JAKMIP3: variants seen among roughly 807,000 people sequenced by gnomAD.
JAKMIP3 encodes the protein janus kinase and microtubule-interacting protein 3.
A neutral mutation model predicts 118.5 loss-of-function variants in JAKMIP3; 58 were observed. That is an observed-to-expected ratio of 0.49 (90% CI 0.40 to 0.61). The LOEUF (loss-of-function observed/expected upper bound fraction) is 0.61. JAKMIP3 is among the 20% of genes least tolerant of loss of function. The pLI, the probability that JAKMIP3 is intolerant of heterozygous loss-of-function variation, is 0.00. For synonymous variants in JAKMIP3, 486 were observed against 451.2 expected (o/e 1.08, Z -0.98); for missense variants, 950 against 1,109.0 (o/e 0.86, Z 2.04).
In JAKMIP3 at chr10:132,152,968, A is replaced by G. The variant is rs139790761; in HGVS notation, c.2018A>G (p.Asn673Ser). ...LGDNAVSNLT[N>S]EEQVVVIQAR... The stretch of plus-strand genomic sequence containing the variant: ...TGCTTTTGGGTGCAGAACCTGACCA[A>G]TGAGGAGCAGGTGGTTGTCATACAA... Residue 673 changes from asparagine (N) to serine (S), a missense_variant, in exon 17 of 24, where the codon AAT (asparagine) becomes AGT (serine). Transcript: ENST00000684848. 1.9e-5 allele frequency: 31 copies of G among 1,606,416 alleles called. No homozygotes were observed. The highest frequency in any genetic ancestry group is 2.2e-5 in the South Asian group (2 of 89,220).
intron 2 of JAKMIP3, among the ~76,000 whole-genome samples, chr10:132,106,891 C>CA (rs2045994114): frequency 6.6e-6 from 1 of 152,008 alleles, no homozygotes; most frequent in Non-Finnish European, 1.5e-5. Flanking sequence ...TAACAATTAT[C>CA]TTTTTTTAAA....
rs1382958563 is a variant in JAKMIP3 at position 132,184,778 on chromosome 10, TAC to T, written c.*3527_*3528del. On this transcript the variant is annotated 3_prime_UTR_variant, in exon 24 of 24. Coordinates refer to ENST00000684848, the MANE Select transcript of JAKMIP3 (RefSeq NM_001323087.2). The stretch of plus-strand genomic sequence containing the variant: ...TTTTTTACTCGTTTGTAAATTATTG[TAC>T]AGTTTTAATAAAAAATGTTTTAAAT... 12 of 152,386 alleles carry T rather than the reference TAC, an allele frequency of 7.9e-5. 1 individual carries two copies. The highest frequency in any genetic ancestry group is 6.2e-4 in the South Asian group (3 of 4,830). 9.4% of individuals were successfully genotyped at this position (152,386 alleles called of 1,614,324 possible).
chr10:132,177,637 GCTC>G (rs2060282878), intron 23 of JAKMIP3, among the ~76,000 whole-genome samples: 1 of 148,002 alleles, frequency 6.8e-6, no homozygotes, highest in Admixed American at 6.8e-5. Context: ...GTATACACTT[GCTC>G]CTGTGTCCTG....
intron 1 of JAKMIP3, among the ~76,000 whole-genome samples, chr10:132,097,231 G>A (rs1477150243): frequency 2.6e-5 from 4 of 152,236 alleles, no homozygotes; most frequent in Admixed American, 1.3e-4. Flanking sequence ...TGTAGAGCCC[G>A]GAAATGGTTC....
intron 1 of JAKMIP3, among the ~76,000 whole-genome samples, chr10:132,043,654 G>T (rs1441180738): frequency 6.6e-6 from 1 of 152,186 alleles, no homozygotes; most frequent in Non-Finnish European, 1.5e-5. Flanking sequence ...GGGTCCAGGA[G>T]CCCGTGGACA....
At chr10:132,180,642 T>TGCGC (rs1295354223) in intron 23 of JAKMIP3, among the ~76,000 whole-genome samples, 4 of 31,804 alleles carry the variant, frequency 1.3e-4, no homozygotes, top group African/African-American at 6.3e-4. Context: ...TGCGTGCGTG[T>TGCGC]GTGCGTGTGC....
intron 1 of JAKMIP3, among the ~76,000 whole-genome samples, chr10:132,084,771 T>G (rs2042176838): frequency 6.6e-6 from 1 of 152,182 alleles, no homozygotes; most frequent in Admixed American, 6.5e-5. Context: ...TTGCTGAGAG[T>G]TTTAATTATA....
In JAKMIP3 at chr10:132,180,560, T is replaced by C. The variant is rs201897890; in HGVS notation, c.*1104-1797T>C. 2.1e-3 allele frequency among the ~76,000 whole-genome samples: 110 copies of C among 51,792 alleles called. 15 individuals are homozygous for C. The East Asian group carries it at 0.022, about 10-fold the overall frequency. The allele number at this position is 51,792 out of a possible 152,430, so 34.0% of individuals were successfully genotyped here. A position where few individuals can be genotyped will look rare whatever the true frequency, so the allele number is the denominator to read the frequency against. The stretch of plus-strand genomic sequence containing the variant: ...GTGTGTGTGTGCGTGCGTGCATGCG[T>C]GTGTGTGCGTGTGTGTGTGCGTGCG... On this transcript the variant is annotated intron_variant, in intron 23 of 23. Transcript: ENST00000684848.
chr10:132,054,247 G>A (rs911386433), intron 1 of JAKMIP3, among the ~76,000 whole-genome samples: 2 of 151,958 alleles, frequency 1.3e-5, no homozygotes, highest in East Asian at 3.9e-4. Context: ...GAGCTGGCAG[G>A]CTCAGGGAAG....
chr10:132,096,029 T>C (rs947166686), intron 1 of JAKMIP3, among the ~76,000 whole-genome samples: 1 of 151,712 alleles, frequency 6.6e-6, no homozygotes, highest in African/African-American at 2.4e-5. Context: ...GCAGGTGCTG[T>C]GGTCTTGGGG....
At chr10:132,164,810 C>A in intron 21 of JAKMIP3, 75 bp downstream of exon 21, 1 of 1,000,450 alleles carries the variant, frequency 1.0e-6, no homozygotes, top group Non-Finnish European at 1.6e-6. Flanking sequence ...CGACCTGAGT[C>A]ACTCAGCTCC....
rs2061636089 is a variant in JAKMIP3, at chr10:132,183,467, C to T, written c.*2214C>T. 6.6e-6 allele frequency: 1 copy of T among 151,818 alleles called. No individual in the cohort carries two copies. Among genetic ancestry groups the T allele is most frequent in the Non-Finnish European group, 1.5e-5 (1 of 67,954 alleles). 9.4% of individuals were successfully genotyped at this position (151,818 alleles called of 1,614,324 possible). A position where few individuals can be genotyped will look rare whatever the true frequency, so the allele number is the denominator to read the frequency against. ...ATATATGTCTGGAGCACTTCATACA[C>T]CTCTATCCACCACAGACACTCTTAA... On this transcript the variant is annotated 3_prime_UTR_variant, in exon 24 of 24. Coordinates refer to ENST00000684848, the MANE Select transcript of JAKMIP3 (RefSeq NM_001323087.2).
At chr10:132,119,489 TC>T (rs1292154893) in intron 3 of JAKMIP3, among the ~76,000 whole-genome samples, 1 of 152,134 alleles carries the variant, frequency 6.6e-6, no homozygotes, top group African/African-American at 2.4e-5. Context: ...AAAAACCGTC[TC>T]CCCCTTTCTC....
chr10:132,072,691 T>G (rs9419178), intron 1 of JAKMIP3, among the ~76,000 whole-genome samples: 117,379 of 152,070 alleles, frequency 0.77, 46,634 homozygotes, highest in East Asian at 1. Flanking sequence ...GCCTTCTTTG[T>G]ATTAAGTATT....
chr10:132,046,192 T>C (rs368847855), intron 1 of JAKMIP3, among the ~76,000 whole-genome samples: 30 of 152,272 alleles, frequency 2.0e-4, no homozygotes, highest in Non-Finnish European at 2.6e-4. Flanking sequence ...TGGTGGCTCA[T>C]GCCTGTAATC....
At position 132,043,172 on chromosome 10, in the gene JAKMIP3, G is replaced by T. The variant is rs1383753979; in HGVS notation, c.-138+6434G>T. Among the ~76,000 whole-genome samples, 3 of 152,084 alleles carry T rather than the reference G, an allele frequency of 2.0e-5. No individual in the cohort carries two copies. The East Asian group carries it at 5.8e-4, about 29-fold the overall frequency. ...AATGTGGCTGTGTTTTGTTCCCTCT[G>T]CTGGTCAATGTATTTTATAGGCTGT... On this transcript the variant is annotated intron_variant, in intron 1 of 23. Coordinates refer to the JAKMIP3 transcript ENST00000657785.
At chr10:132,142,130 T>C in intron 11 of JAKMIP3, 82 bp downstream of exon 11, 1 of 1,430,862 alleles carries the variant, frequency 7.0e-7, no homozygotes, top group Non-Finnish European at 9.4e-7. Context: ...GACACCCCCC[T>C]CACTAGCCCT....
At chr10:132,172,110 G>A (rs1178758354) in intron 23 of JAKMIP3, among the ~76,000 whole-genome samples, 1 of 152,190 alleles carries the variant, frequency 6.6e-6, no homozygotes, top group African/African-American at 2.4e-5. Context: ...CCTGCCATCA[G>A]TGACACTTTT....
chr10:132,097,969 C>CA, intron 1 of JAKMIP3, among the ~76,000 whole-genome samples: 1 of 19,704 alleles, frequency 5.1e-5, no homozygotes. Context: ...CCCTTTCCTT[C>CA]CTTTTCTCCC....
Sources: allele counts gnomAD v4.1 joint callset (sites outside exome capture counted in the v4.1 genomes callset), GRCh38; gene constraint gnomAD v4.1.1; transcripts MANE v1.5; gene names NCBI Gene and HGNC (gene_info 2026-07-23, HGNC 2026-07-21).